ZNF106: variants seen among roughly 807,000 people sequenced by gnomAD.
ZNF106 encodes SH3-domain binding protein 3.
Under a neutral mutation model 195.1 loss-of-function variants are expected in ZNF106, and 67 were observed. The ratio of observed to expected loss-of-function variants is 0.34; its 90% CI spans 0.28 to 0.42. The LOEUF is 0.42. Ranked by LOEUF, ZNF106 falls within the 10% of genes least tolerant of loss-of-function variation. The pLI is 1.00. For synonymous variants in ZNF106, 784 were observed against 818.6 expected, an observed-to-expected ratio of 0.96 and a Z score of 0.72; for missense variants, 2,118 against 2,304.5, an observed-to-expected ratio of 0.92 and a Z score of 1.66.
At chr15:42,419,186 T>C (rs1017909000) in intron 20 of ZNF106, among the ~76,000 whole-genome samples, 1 of 151,072 alleles carries the variant, frequency 6.6e-6, no homozygotes, top group East Asian at 1.9e-4. Flanking sequence ...CTGGCCAACA[T>C]AGTGAAACCT....
At chr15:42,425,186 A>G (rs2054810344) in intron 15 of ZNF106, among the ~76,000 whole-genome samples, 161 bp from the exon 16 acceptor site, 1 of 151,828 alleles carries the variant, frequency 6.6e-6, no homozygotes, top group Non-Finnish European at 1.5e-5. Context: ...TCCCACTCCA[A>G]CCCTTTTTAC....
In ZNF106 at chr15:42,427,975, T is replaced by C. The variant is rs2054914623; in HGVS notation, c.4998+43A>G. On this transcript the variant is annotated intron_variant, in intron 15 of 21. Transcript: ENST00000564754. Reference sequence around the variant, plus strand: ...CTTCCCACACATGCTCACACTGTTTTCAAGTGCATGGGAAGTAAGCCTTTT... The same window carrying C: ...CTTCCCACACATGCTCACACTGTTTCCAAGTGCATGGGAAGTAAGCCTTTT... The C allele has an allele frequency of 2.0e-6, 3 of 1,524,796 alleles. No homozygotes were observed. In the East Asian group the frequency reaches 6.8e-5, roughly 34 times the overall value. The allele number at this position is 1,524,796 out of a possible 1,614,324, so 94.5% of individuals were successfully genotyped here. A position where few individuals can be genotyped will look rare whatever the true frequency, so the allele number is the denominator to read the frequency against.
intron 1 of ZNF106, among the ~76,000 whole-genome samples, chr15:42,475,782 C>T (rs1005127877): frequency 3.3e-5 from 5 of 152,170 alleles, no homozygotes; most frequent in East Asian, 1.9e-4. Context: ...GGTAAAGATA[C>T]GTCCAGAAAT....
chr15:42,433,668 A>G (rs1416851309), intron 14 of ZNF106, among the ~76,000 whole-genome samples: 1 of 151,550 alleles, frequency 6.6e-6, no homozygotes, highest in African/African-American at 2.4e-5. Context: ...TTTTTAGTAG[A>G]GACAGGGTTT....
rs186101167 is a variant in ZNF106 at position 42,458,644 on chromosome 15, G to T, written c.117-1486C>A. On this transcript the variant is annotated intron_variant, in intron 3 of 21. Transcript: ENST00000564754. ...AATCGCTTGAACCCAGGAGGCAAAG[G>T]TTGCAATGAGCCGAGATTACACCAC... is the stretch of plus-strand genomic sequence containing the variant. Among the ~76,000 whole-genome samples the T allele has an allele frequency of 2.4e-4, 36 of 151,296 alleles. No individual in the cohort carries two copies. In the East Asian group the frequency reaches 6.1e-3, roughly 26 times the overall value.
intron 1 of ZNF106, among the ~76,000 whole-genome samples, chr15:42,475,320 T>C (rs563266705): frequency 1.3e-5 from 2 of 152,264 alleles, no homozygotes; most frequent in East Asian, 3.9e-4. Context: ...CACGTGCCTG[T>C]AATCCCAGCT....
intron 3 of ZNF106, among the ~76,000 whole-genome samples, chr15:42,459,420 A>G (rs1015747435): frequency 6.6e-6 from 1 of 151,842 alleles, no homozygotes; most frequent in East Asian, 1.9e-4. Flanking sequence ...AGGTTGTAGT[A>G]AGCTGAGATC....
intron 1 of ZNF106, among the ~76,000 whole-genome samples, chr15:42,476,560 C>T (rs2056788578): frequency 6.6e-6 from 1 of 152,204 alleles, no homozygotes; most frequent in African/African-American, 2.4e-5. Context: ...CTCGGCCTCC[C>T]AAAGTGCTGG....
chr15:42,471,311 G>C (rs1350614008), intron 2 of ZNF106, among the ~76,000 whole-genome samples: 1 of 152,142 alleles, frequency 6.6e-6, no homozygotes, highest in Non-Finnish European at 1.5e-5. Context: ...TAACAATCAA[G>C]AGCATCTTAA....
intron 1 of ZNF106, among the ~76,000 whole-genome samples, chr15:42,487,861 G>A (rs1315508752): frequency 6.6e-6 from 1 of 152,096 alleles, no homozygotes; most frequent in Non-Finnish European, 1.5e-5. Flanking sequence ...ATCCTCCACA[G>A]AGGATATTCT....
chr15:42,448,661 G>C lies in ZNF106; in HGVS notation c.2546C>G (p.Ala849Gly). The stretch of plus-strand genomic sequence containing the variant: ...ATCAGGTTCCCCATCCAAATCTAAG[G>C]CTTCTTGTTCATTTTGAACAAGGGG... ...MVPLVQNEQE[A>G]LDLDGEPDLS... The change falls in exon 6 of 22, where the codon GCC (alanine) becomes GGC (glycine). Residue 849 changes from alanine to glycine, a missense_variant. By Grantham distance (60) the Ala-to-Gly change is moderately conservative. Transcript: ENST00000564754. 6.2e-7 allele frequency: 1 copy of C among 1,611,606 alleles called. No individual in the cohort carries two copies. Among genetic ancestry groups the C allele is most frequent in the Non-Finnish European group, 8.5e-7 (1 of 1,179,812 alleles).
chr15:42,485,721 G>A (rs746478540), intron 1 of ZNF106, among the ~76,000 whole-genome samples: 1 of 152,020 alleles, frequency 6.6e-6, no homozygotes, highest in East Asian at 1.9e-4. Flanking sequence ...TAAAAGAGTG[G>A]ATAAATAAAA....
chr15:42,429,459 G>C lies in ZNF106; in HGVS notation c.4882-1325C>G, dbSNP rs1369490977. On this transcript the variant is annotated intron_variant, in intron 14 of 21. Transcript: ENST00000564754. ...GTCTCAATTAAAAAAAAAAAAATTT[G>C]TTGTTGAATGATACTGAAGACCCAG... 2.6e-5 allele frequency among the ~76,000 whole-genome samples: 4 copies of C among 151,444 alleles called. No individual in the cohort carries two copies. The East Asian group carries it at 7.8e-4, about 29-fold the overall frequency.
chr15:42,477,677 TC>T (rs1450429698), intron 1 of ZNF106, among the ~76,000 whole-genome samples: 2 of 152,030 alleles, frequency 1.3e-5, no homozygotes, highest in East Asian at 3.8e-4. Flanking sequence ...TCACCTGAGG[TC>T]AGGAGTTCCA....
chr15:42,473,790 T>A (rs947578304), intron 1 of ZNF106, among the ~76,000 whole-genome samples: 2 of 152,180 alleles, frequency 1.3e-5, no homozygotes, highest in African/African-American at 4.8e-5. Flanking sequence ...CCACCATCCA[T>A]GAAAAGGTGG....
intron 15 of ZNF106, among the ~76,000 whole-genome samples, chr15:42,426,320 T>A (rs528933836): frequency 2.6e-5 from 4 of 152,156 alleles, no homozygotes; most frequent in African/African-American, 9.6e-5. Flanking sequence ...TTTAAAGAAC[T>A]TTTCCATTTG....
At chr15:42,456,425 G>C (rs2056229382) in intron 4 of ZNF106, among the ~76,000 whole-genome samples, 1 of 152,166 alleles carries the variant, frequency 6.6e-6, no homozygotes, top group Non-Finnish European at 1.5e-5. Context: ...GAGGTGGGCA[G>C]ATTGCTTGAG....
At chr15:42,474,936 A>C (rs2056754476) in intron 1 of ZNF106, among the ~76,000 whole-genome samples, 1 of 152,308 alleles carries the variant, frequency 6.6e-6, no homozygotes, top group Admixed American at 6.5e-5. Context: ...ATCAGGCTCT[A>C]ATAGATCTGC....
At chr15:42,433,338 C>T (rs936659141) in intron 14 of ZNF106, among the ~76,000 whole-genome samples, 1 of 152,132 alleles carries the variant, frequency 6.6e-6, no homozygotes, top group African/African-American at 2.4e-5. Context: ...ATCTCCTGAC[C>T]TCGTGATCCG....
Sources: gnomAD v4.1 joint callset for allele counts (sites outside exome capture counted in the v4.1 genomes callset) on GRCh38, gnomAD v4.1.1 for gene constraint, MANE v1.5 for transcripts, NCBI Gene and HGNC (gene_info 2026-07-23, HGNC 2026-07-21) for gene names.